Variants in ZBED5 observed in about 807,000 individuals in gnomAD.
The protein encoded by ZBED5 is zinc finger BED domain-containing protein 5.
In ZBED5, 29 loss-of-function variants were observed where a neutral mutation model predicts 49.2. The observed-to-expected ratio is 0.59, with a 90% CI of 0.44 to 0.80. The LOEUF is 0.80. Among genes scored for constraint, ZBED5 ranks in the 30% least tolerant of loss-of-function variants. The pLI is 0.00. For missense variants in ZBED5, 775 were observed against 812.9 expected, an observed-to-expected ratio of 0.95 and a Z score of 0.57; for synonymous variants, 281 against 292.5, an observed-to-expected ratio of 0.96 and a Z score of 0.40.
Position 10,853,829 on chromosome 11 carries a change from G to T in ZBED5, c.1117C>A (p.Leu373Ile). ...ACTGCCAGTGCATGTCTGTATAATAGGCAGTGACTACTGGTGCTTTCGGGA... is the reference window on the plus strand; with the variant it reads ...ACTGCCAGTGCATGTCTGTATAATATGCAGTGACTACTGGTGCTTTCGGGA... ...VAPESTSSHC[L>I]LYRHALAVKI... is the part of the protein sequence containing the mutation. Residue 373 changes from leucine to isoleucine, a missense_variant, in exon 3 of 3, where the codon CTA becomes ATA. By Grantham distance (5) the Leu-to-Ile change is conservative. Transcript: ENST00000413761. The surrounding 1 kb of genome is among the most constrained non-coding windows in gnomAD (Gnocchi z 5.4). 1 of 1,551,608 alleles carries T rather than the reference G, an allele frequency of 6.4e-7. No homozygotes were observed. The highest frequency in any genetic ancestry group is 8.7e-7 in the Non-Finnish European group (1 of 1,146,934).
At position 10,854,999 on chromosome 11, in the gene ZBED5, A is replaced by C; in HGVS notation, c.-54T>G. The C allele has an allele frequency of 6.6e-7, 1 of 1,512,960 alleles. No individual in the cohort carries two copies. The highest frequency in any genetic ancestry group is 8.9e-7 in the Non-Finnish European group (1 of 1,127,312). The allele number at this position is 1,512,960 out of a possible 1,614,324, so 93.7% of individuals were successfully genotyped here. On this transcript the variant is annotated 5_prime_UTR_variant, in exon 3 of 3. An upstream start codon of the reference 5' UTR is lost. Transcript: ENST00000413761. This position sits in a 1 kb window ranked among gnomAD's most constrained non-coding sequence, Gnocchi z 5.0. ...GTTAATTTGTAAATGCTGCCTATTC[A>C]TCAATGCGCAGATGGAACATCATAC... is the stretch of plus-strand genomic sequence containing the variant.
In ZBED5 at chr11:10,857,997, T is replaced by TATCGCCTAGGCCATCTCCATAGAG; in HGVS notation, c.-415_-392dup. The stretch of plus-strand genomic sequence containing the variant: ...CAGGGTGATGCTCTCAGCTCAGGGA[T>TATCGCCTAGGCCATCTCCATAGAG]ATCGCCTAGGCCATCTCCATAGAGA... On this transcript the variant is annotated 5_prime_UTR_variant, in exon 1 of 3. The change creates a new upstream start codon in the 5' untranslated region. Transcript: ENST00000413761. This position sits in a 1 kb window ranked among gnomAD's most constrained non-coding sequence, Gnocchi z 6.3. 1 of 258,484 alleles carries TATCGCCTAGGCCATCTCCATAGAG rather than the reference T, an allele frequency of 3.9e-6. No homozygotes were observed. The allele number at this position is 258,484 out of a possible 1,614,324, so 16.0% of individuals were successfully genotyped here. A position where few individuals can be genotyped will look rare whatever the true frequency, so the allele number is the denominator to read the frequency against.
chr11:10,855,857 T>C lies in ZBED5; in HGVS notation c.-142+287A>G, dbSNP rs1352447754. ...TACAGATAACTCTGCATTCTATTTA[T>C]ACAACAGGTGACGACTTAACCAGGA... On this transcript the variant is annotated intron_variant, in intron 2 of 2. Transcript: ENST00000413761. This position sits in a 1 kb window ranked among gnomAD's most constrained non-coding sequence, Gnocchi z 4.1. 1.3e-5 allele frequency: 2 copies of C among 151,840 alleles called. No individual in the cohort carries two copies. Among genetic ancestry groups the C allele is most frequent in the African/African-American group, 4.8e-5 (2 of 41,326 alleles). 9.4% of individuals were successfully genotyped at this position (151,840 alleles called of 1,614,324 possible).
chr11:10,854,005 T>C lies in ZBED5; in HGVS notation c.941A>G (p.Asn314Ser). ...GTTGAATATTTCTTCACCGGTAGCA[T>C]TACTTTGCAAAGATTCACACAGGAG... The part of the protein sequence containing the change: ...DLLLCESLQS[N>S]ATGEEIFNCI... Residue 314 changes from asparagine (N) to serine (S), a missense_variant, in exon 3 of 3, where the codon AAT (asparagine) becomes AGT (serine). Coordinates refer to ENST00000413761, the MANE Select transcript of ZBED5 (RefSeq NM_001143667.2). This position sits in a 1 kb window ranked among gnomAD's most constrained non-coding sequence, Gnocchi z 5.0. The C allele has an allele frequency of 4.5e-6, 7 of 1,551,550 alleles. No homozygotes were observed. Among genetic ancestry groups the C allele is most frequent in the Non-Finnish European group, 6.1e-6 (7 of 1,146,928 alleles).
rs1224205427 is a variant in ZBED5, at chr11:10,855,895, A to G, written c.-142+249T>C. 1 of 147,592 alleles carries G rather than the reference A, an allele frequency of 6.8e-6. No homozygotes were observed. The highest frequency in any genetic ancestry group is 1.5e-5 in the Non-Finnish European group (1 of 67,612). 9.1% of individuals were successfully genotyped at this position (147,592 alleles called of 1,614,324 possible). On this transcript the variant is annotated intron_variant, in intron 2 of 2. Transcript: ENST00000413761. This position sits in a 1 kb window ranked among gnomAD's most constrained non-coding sequence, Gnocchi z 4.1. ...GACTTAACCAGGACCTAAAAAAAAA[A>G]AATAAACTCTCATTTAAGAGGTTTA...
chr11:10,856,230 T>C lies in ZBED5; in HGVS notation c.-228A>G, dbSNP rs1243574376. 6.6e-6 allele frequency: 1 copy of C among 151,948 alleles called. No homozygotes were observed. The highest frequency in any genetic ancestry group is 1.5e-5 in the Non-Finnish European group (1 of 67,976). The allele number at this position is 151,948 out of a possible 1,614,324, so 9.4% of individuals were successfully genotyped here. A position where few individuals can be genotyped will look rare whatever the true frequency, so the allele number is the denominator to read the frequency against. On this transcript the variant is annotated 5_prime_UTR_variant, in exon 2 of 3. Coordinates refer to ENST00000413761, the MANE Select transcript of ZBED5 (RefSeq NM_001143667.2). ...TCTTCAAAAGAATAAAATTAAGGGA[T>C]GGGGTGGGAAGGGGAGTAACCAAAA...
In ZBED5 at chr11:10,858,012, C is replaced by T; in HGVS notation, c.-406G>A. 1 of 285,632 alleles carries T rather than the reference C, an allele frequency of 3.5e-6. No individual in the cohort carries two copies. The highest frequency in any genetic ancestry group is 5.2e-5 in the Admixed American group (1 of 19,054). The allele number at this position is 285,632 out of a possible 1,614,324, so 17.7% of individuals were successfully genotyped here. A position where few individuals can be genotyped will look rare whatever the true frequency, so the allele number is the denominator to read the frequency against. On this transcript the variant is annotated 5_prime_UTR_variant, in exon 1 of 3. Transcript: ENST00000413761. ...AGCTCAGGGATATCGCCTAGGCCAT[C>T]TCCATAGAGATCCGATTCGCGGCTG...
Position 10,855,011 on chromosome 11 carries a change from A to G in ZBED5, c.-66T>C. ...ATGCTGCCTATTCATCAATGCGCAGATGGAACATCATACGTTCATGTATCA... is the reference window on the plus strand; with the variant it reads ...ATGCTGCCTATTCATCAATGCGCAGGTGGAACATCATACGTTCATGTATCA... On this transcript the variant is annotated 5_prime_UTR_variant, in exon 3 of 3. Coordinates refer to ENST00000413761, the MANE Select transcript of ZBED5 (RefSeq NM_001143667.2). This position sits in a 1 kb window ranked among gnomAD's most constrained non-coding sequence, Gnocchi z 4.1. 2 of 1,496,970 alleles carry G rather than the reference A, an allele frequency of 1.3e-6. No homozygotes were observed. The highest frequency in any genetic ancestry group is 1.8e-6 in the Non-Finnish European group (2 of 1,117,894). 92.7% of individuals were successfully genotyped at this position (1,496,970 alleles called of 1,614,324 possible).
chr11:10,853,644 C>CCACCTCA lies in ZBED5; in HGVS notation c.1295_1301dup (p.Trp434CysfsTer8). The CCACCTCA allele has an allele frequency of 6.4e-7, 1 of 1,551,584 alleles. No homozygotes were observed. The highest frequency in any genetic ancestry group is 1.2e-5 in the South Asian group (1 of 84,050). ...TTACAAGAACTTTACCTCGAGAAAGCCACCTCACCTCTGTATTTAGAAGAA... is the reference window on the plus strand; with the variant it reads ...TTACAAGAACTTTACCTCGAGAAAGCCACCTCACACCTCACCTCTGTATTTAGAAGAA... On this transcript the variant is annotated frameshift_variant, in exon 3 of 3. Transcript: ENST00000413761. LOFTEE classifies it high-confidence loss of function. The surrounding 1 kb of genome is among the most constrained non-coding windows in gnomAD (Gnocchi z 5.4).
chr11:10,854,266 A>G lies in ZBED5; in HGVS notation c.680T>C (p.Met227Thr), dbSNP rs1403153486. Reference protein sequence around the residue: ...LIKPCAKDVVMRMFDEQYSKK... With the variant: ...LIKPCAKDVVTRMFDEQYSKK... ...ACTATATTGTTCATCAAACATCCGC[A>G]TCACTACATCTTTTGCACAAGGTTT... Residue 227 changes from methionine (M) to threonine (T), a missense_variant, in exon 3 of 3, where the codon ATG becomes ACG. Physicochemically the swap from Met to Thr is moderately conservative, Grantham distance 81. Coordinates refer to ENST00000413761, the MANE Select transcript of ZBED5 (RefSeq NM_001143667.2). The surrounding 1 kb of genome is among the most constrained non-coding windows in gnomAD (Gnocchi z 5.0). 6.4e-7 allele frequency: 1 copy of G among 1,551,082 alleles called. No individual in the cohort carries two copies. The highest frequency in any genetic ancestry group is 1.4e-5 in the African/African-American group (1 of 73,034).
chr11:10,858,022 A>T lies in ZBED5; in HGVS notation c.-416T>A, dbSNP rs1033132085. The T allele has an allele frequency of 1.7e-5, 5 of 301,980 alleles. No homozygotes were observed. Among genetic ancestry groups the T allele is most frequent in the African/African-American group, 8.6e-5 (4 of 46,352 alleles). The allele number at this position is 301,980 out of a possible 1,614,324, so 18.7% of individuals were successfully genotyped here. A position where few individuals can be genotyped will look rare whatever the true frequency, so the allele number is the denominator to read the frequency against. On this transcript the variant is annotated 5_prime_UTR_variant, in exon 1 of 3. Coordinates refer to ENST00000413761, the MANE Select transcript of ZBED5 (RefSeq NM_001143667.2). ...TATCGCCTAGGCCATCTCCATAGAG[A>T]TCCGATTCGCGGCTGGCGCGGTCGC...
rs1243146955 is a variant in ZBED5, at chr11:10,854,086, G to T, written c.860C>A (p.Ala287Asp). The T allele has an allele frequency of 6.4e-7, 1 of 1,550,818 alleles. No individual in the cohort carries two copies. The highest frequency in any genetic ancestry group is 8.7e-7 in the Non-Finnish European group (1 of 1,146,566). Residue 287 changes from alanine to aspartate, a missense_variant, in exon 3 of 3, where the codon GCT (alanine) becomes GAT (aspartate). Physicochemically the swap from Ala to Asp is moderately radical, Grantham distance 126 (BLOSUM62 -2). Coordinates refer to ENST00000413761, the MANE Select transcript of ZBED5 (RefSeq NM_001143667.2). The surrounding 1 kb of genome is among the most constrained non-coding windows in gnomAD (Gnocchi z 5.0). ...ATAACGAACAAACACAAGCAGCACA[G>T]CAAGTCCTGAAACATCAGCTGATTC... is the stretch of plus-strand genomic sequence containing the variant. ...LDESADVSGL[A>D]VLLVFVRYRF...
In ZBED5 at chr11:10,853,999, G is replaced by A; in HGVS notation, c.947C>T (p.Thr316Ile). 3.9e-6 allele frequency: 6 copies of A among 1,551,300 alleles called. No individual in the cohort carries two copies. The highest frequency in any genetic ancestry group is 5.2e-6 in the Non-Finnish European group (6 of 1,146,920). Reference sequence around the variant, plus strand: ...GATACAGTTGAATATTTCTTCACCGGTAGCATTACTTTGCAAAGATTCACA... The same window carrying A: ...GATACAGTTGAATATTTCTTCACCGATAGCATTACTTTGCAAAGATTCACA... ...LLCESLQSNA[T>I]GEEIFNCINS... The change falls in exon 3 of 3, where the codon ACC becomes ATC. Residue 316 changes from threonine (T) to isoleucine (I), a missense_variant. By Grantham distance (89) the Thr-to-Ile change is moderately conservative. Transcript: ENST00000413761. This position sits in a 1 kb window ranked among gnomAD's most constrained non-coding sequence, Gnocchi z 5.4.
In ZBED5 at chr11:10,854,474, C is replaced by T; in HGVS notation, c.472G>A (p.Ala158Thr). The T allele has an allele frequency of 6.4e-7, 1 of 1,551,390 alleles. No homozygotes were observed. Among genetic ancestry groups the T allele is most frequent in the Non-Finnish European group, 8.7e-7 (1 of 1,146,890 alleles). Residue 158 changes from alanine (A) to threonine (T), a missense_variant, in exon 3 of 3, where the codon GCT becomes ACT. Ala to Thr is a moderately conservative substitution (Grantham distance 58). Coordinates refer to ENST00000413761, the MANE Select transcript of ZBED5 (RefSeq NM_001143667.2). The surrounding 1 kb of genome is among the most constrained non-coding windows in gnomAD (Gnocchi z 5.0). Reference sequence around the variant, plus strand: ...CTTATGTCTTTGTCTTTATATGCAGCATGTTTAGTTTCCAAATGTCTTCGA... The same window carrying T: ...CTTATGTCTTTGTCTTTATATGCAGTATGTTTAGTTTCCAAATGTCTTCGA... The part of the protein sequence containing the change: ...KLRRHLETKH[A>T]AYKDKDISFF...
rs1314180614 is a variant in ZBED5, at chr11:10,852,849, C to A, written c.*15G>T. 1.3e-6 allele frequency: 2 copies of A among 1,505,550 alleles called. No homozygotes were observed. The allele number at this position is 1,505,550 out of a possible 1,614,324, so 93.3% of individuals were successfully genotyped here. ...TTACATTTGGTTATCATGAGACATG[C>A]AAACTCCTCCAATTTTAATGAGAAC... is the stretch of plus-strand genomic sequence containing the variant. On this transcript the variant is annotated 3_prime_UTR_variant, in exon 3 of 3. Coordinates refer to ENST00000413761, the MANE Select transcript of ZBED5 (RefSeq NM_001143667.2).
At position 10,853,359 on chromosome 11, in the gene ZBED5, T is replaced by A. The variant is rs2232927; in HGVS notation, c.1587A>T (p.Thr529=). Residue 529 remains threonine (T), a synonymous_variant, in exon 3 of 3, where the codon ACA becomes ACT. Transcript: ENST00000413761. This position sits in a 1 kb window ranked among gnomAD's most constrained non-coding sequence, Gnocchi z 5.4. ...TAATTTCAGTCAAAAAATCACTGAG[T>A]GTAGGAAAACAATCAAAGTTTTCTT... ...VEEENFDCFP[T]LSDFLTEINS... is the part of the protein sequence containing the mutation. 3.1e-3 allele frequency: 4,834 copies of A among 1,551,466 alleles called. 156 individuals carry two copies. The African/African-American group carries it at 0.06, about 19-fold the overall frequency.
In ZBED5 at chr11:10,854,040, C is replaced by T. The variant is rs1848143339; in HGVS notation, c.906G>A (p.Glu302=). The T allele has an allele frequency of 6.4e-7, 1 of 1,551,166 alleles. No individual in the cohort carries two copies. Among genetic ancestry groups the T allele is most frequent in the African/African-American group, 1.4e-5 (1 of 72,902 alleles). ...FVRYRFNKSI[E]EDLLLCESLQ... ...AAGATTCACACAGGAGTAGGTCTTC[C>T]TCAATAGACTTATTAAACCTATAAC... Residue 302 remains glutamate (E), a synonymous_variant, in exon 3 of 3, where the codon GAG becomes GAA. Coordinates refer to ENST00000413761, the MANE Select transcript of ZBED5 (RefSeq NM_001143667.2). The surrounding 1 kb of genome is among the most constrained non-coding windows in gnomAD (Gnocchi z 5.0).
At position 10,853,268 on chromosome 11, in the gene ZBED5, G is replaced by A; in HGVS notation, c.1678C>T (p.Leu560=). 1 of 1,551,562 alleles carries A rather than the reference G, an allele frequency of 6.4e-7. No homozygotes were observed. Among genetic ancestry groups the A allele is most frequent in the Non-Finnish European group, 8.7e-7 (1 of 1,146,910 alleles). ...VQHLRGLRAT[L]LKYFPVTNDN... Reference sequence around the variant, plus strand: ...TTTGTTACAGGAAAGTATTTTAACAGAGTAGCGCGCAAACCCCTTAGGTGC... The same window carrying A: ...TTTGTTACAGGAAAGTATTTTAACAAAGTAGCGCGCAAACCCCTTAGGTGC... Residue 560 remains leucine, a synonymous_variant, in exon 3 of 3, where the codon CTG becomes TTG. Coordinates refer to ENST00000413761, the MANE Select transcript of ZBED5 (RefSeq NM_001143667.2). This position sits in a 1 kb window ranked among gnomAD's most constrained non-coding sequence, Gnocchi z 5.4.
At position 10,854,234 on chromosome 11, in the gene ZBED5, T is replaced by A; in HGVS notation, c.712A>T (p.Ile238Leu). ...CTGTTTGATAGCTGTACTGCATCTA[T>A]TTTTTTACTATATTGTTCATCAAAC... ...RMFDEQYSKKIDAVQLSNSTV... is the reference protein window; with the variant it reads ...RMFDEQYSKKLDAVQLSNSTV... The change falls in exon 3 of 3, where the codon ATA (isoleucine) becomes TTA (leucine). Residue 238 changes from isoleucine (I) to leucine (L), a missense_variant. Coordinates refer to ENST00000413761, the MANE Select transcript of ZBED5 (RefSeq NM_001143667.2). The surrounding 1 kb of genome is among the most constrained non-coding windows in gnomAD (Gnocchi z 5.0). The A allele has an allele frequency of 1.3e-6, 2 of 1,550,838 alleles. No individual in the cohort carries two copies. The highest frequency in any genetic ancestry group is 1.7e-6 in the Non-Finnish European group (2 of 1,146,494).
Sources: allele counts gnomAD v4.1 joint callset, GRCh38; gene constraint gnomAD v4.1.1; non-coding constraint Gnocchi (gnomAD v3.1); transcripts MANE v1.5; gene names NCBI Gene and HGNC (gene_info 2026-07-23, HGNC 2026-07-21).